The following PDSS2 variants were observed in gnomAD, a reference collection of about 807,000 sequenced individuals.
The protein encoded by PDSS2 is decaprenyl diphosphate synthase subunit 2, also known as all trans-polyprenyl-diphosphate synthase PDSS2.
A neutral mutation model predicts 44.5 loss-of-function variants in PDSS2; 31 were observed. The ratio of observed to expected loss-of-function variants is 0.70; its 90% CI spans 0.52 to 0.94. The LOEUF (loss-of-function observed/expected upper bound fraction) is 0.94. PDSS2 is among the 40% of genes least tolerant of loss of function. PDSS2 has a pLI of 0.00. For synonymous variants in PDSS2, 157 were observed against 180.3 expected (o/e 0.87, Z 1.03); for missense variants, 452 against 482.2 (o/e 0.94, Z 0.59).
intron 2 of PDSS2, among the ~76,000 whole-genome samples, chr6:107,316,079 T>C (rs1582931768): frequency 1.3e-5 from 2 of 152,346 alleles, no homozygotes; most frequent in East Asian, 3.9e-4. Context: ...AAAAATTCCT[T>C]TGTCAGGTCC....
chr6:107,194,796 C>G (rs1772496832), intron 6 of PDSS2, among the ~76,000 whole-genome samples: 2 of 151,912 alleles, frequency 1.3e-5, no homozygotes, highest in Non-Finnish European at 2.9e-5. Flanking sequence ...ATTAAAAATA[C>G]AAAAATTAGC....
chr6:107,358,464 CATA>C (rs757370803), intron 1 of PDSS2, among the ~76,000 whole-genome samples: 5 of 152,154 alleles, frequency 3.3e-5, no homozygotes, highest in African/African-American at 7.2e-5. Context: ...TATTCACTTA[CATA>C]ATGTTCTTAT....
chr6:107,297,343 T>C (rs1454894082), intron 2 of PDSS2, among the ~76,000 whole-genome samples: 1 of 152,024 alleles, frequency 6.6e-6, no homozygotes. Flanking sequence ...CCCAGAAGTA[T>C]CTGGAAAACA....
intron 1 of PDSS2, among the ~76,000 whole-genome samples, chr6:107,348,029 T>C (rs1237300639): frequency 6.6e-6 from 1 of 152,162 alleles, no homozygotes; most frequent in Non-Finnish European, 1.5e-5. Context: ...TGATAGCCTT[T>C]ATTTCACTAA....
chr6:107,331,378 T>C (rs1313109845), intron 2 of PDSS2, among the ~76,000 whole-genome samples: 1 of 152,200 alleles, frequency 6.6e-6, no homozygotes, highest in East Asian at 1.9e-4. Flanking sequence ...ATTCCCTAAA[T>C]GTAACTGTGG....
chr6:107,343,409 A>T (rs1240984448), intron 1 of PDSS2, among the ~76,000 whole-genome samples: 1 of 152,212 alleles, frequency 6.6e-6, no homozygotes, highest in Non-Finnish European at 1.5e-5. Flanking sequence ...TTGATTTGTG[A>T]CCCACCAACA....
intron 4 of PDSS2, among the ~76,000 whole-genome samples, chr6:107,237,532 C>T (rs1379659000): frequency 6.6e-6 from 1 of 151,934 alleles, no homozygotes; most frequent in Non-Finnish European, 1.5e-5. Context: ...CATGAGTCAC[C>T]GTACCTGGCC....
At chr6:107,278,904 G>C (rs1775873493) in intron 2 of PDSS2, among the ~76,000 whole-genome samples, 1 of 152,190 alleles carries the variant, frequency 6.6e-6, no homozygotes, top group Non-Finnish European at 1.5e-5. Context: ...CTGGAACTCA[G>C]AGCCACCTTG....
intron 7 of PDSS2, among the ~76,000 whole-genome samples, chr6:107,192,777 T>C (rs544127780): frequency 2.0e-5 from 3 of 150,462 alleles, no homozygotes; most frequent in Non-Finnish European, 2.9e-5. Context: ...TAAATCTATT[T>C]TGTAATTGTT....
Position 107,405,303 on chromosome 6 carries a change from G to A in PDSS2, c.296+53687C>T, listed in dbSNP as rs188682873. The stretch of plus-strand genomic sequence containing the variant: ...TCAAAGGAGTCCTAAACATGGAAAC[G>A]AAAGGTGATACTTGCCATCATAAAA... On this transcript the variant is annotated intron_variant, in intron 1 of 7. Coordinates refer to ENST00000369037, the MANE Select transcript of PDSS2 (RefSeq NM_020381.4). Among the ~76,000 whole-genome samples the A allele has an allele frequency of 1.3e-4, 20 of 152,116 alleles. No homozygotes were observed. In the East Asian group the frequency reaches 1.7e-3, roughly 13 times the overall value.
At chr6:107,425,225 T>C (rs1030009627) in intron 1 of PDSS2, among the ~76,000 whole-genome samples, 2 of 152,186 alleles carry the variant, frequency 1.3e-5, no homozygotes, top group African/African-American at 4.8e-5. Context: ...AGTAAATTGG[T>C]ACCAGTAGAG....
Position 107,248,744 on chromosome 6 carries a change from A to G in PDSS2, c.631-3125T>C, listed in dbSNP as rs1774715523. Reference sequence around the variant, plus strand: ...AGCTTTTACAAATGCAAGTCTTATTATTTATAATTAGGCATGTAAACTTGA... The same window carrying G: ...AGCTTTTACAAATGCAAGTCTTATTGTTTATAATTAGGCATGTAAACTTGA... On this transcript the variant is annotated intron_variant, in intron 3 of 7. Coordinates refer to ENST00000369037, the MANE Select transcript of PDSS2 (RefSeq NM_020381.4). 2.6e-5 allele frequency among the ~76,000 whole-genome samples: 4 copies of G among 152,182 alleles called. No individual in the cohort carries two copies. The South Asian group carries it at 8.3e-4, about 31-fold the overall frequency.
chr6:107,176,471 T>C (rs1278817892), intron 7 of PDSS2, among the ~76,000 whole-genome samples: 1 of 149,964 alleles, frequency 6.7e-6, no homozygotes, highest in African/African-American at 2.5e-5. Flanking sequence ...TATAAAAGCA[T>C]GTTTAGTATA....
intron 4 of PDSS2, among the ~76,000 whole-genome samples, chr6:107,242,996 C>A (rs1774494662): frequency 6.6e-6 from 1 of 152,170 alleles, no homozygotes; most frequent in African/African-American, 2.4e-5. Context: ...GGTTAGCATT[C>A]CTCTGAATCT....
At chr6:107,445,370 A>C (rs559970050) in intron 1 of PDSS2, among the ~76,000 whole-genome samples, 1 of 152,132 alleles carries the variant, frequency 6.6e-6, no homozygotes, top group Non-Finnish European at 1.5e-5. Flanking sequence ...CAAGTCCACT[A>C]TCCCTCATCC....
intron 7 of PDSS2, among the ~76,000 whole-genome samples, chr6:107,182,077 G>A (rs1177235667): frequency 6.6e-6 from 1 of 151,942 alleles, no homozygotes; most frequent in South Asian, 2.1e-4. Flanking sequence ...CAGAGAACAA[G>A]AATCTAATTT....
chr6:107,160,935 T>C (rs1440480833), intron 7 of PDSS2, among the ~76,000 whole-genome samples: 2 of 151,564 alleles, frequency 1.3e-5, no homozygotes, highest in African/African-American at 4.9e-5. Flanking sequence ...ATGGGGTTTC[T>C]CCATGTTGGT....
At chr6:107,358,545 A>G (rs1186216278) in intron 1 of PDSS2, among the ~76,000 whole-genome samples, 3 of 152,214 alleles carry the variant, frequency 2.0e-5, no homozygotes, top group African/African-American at 2.4e-5. Context: ...GCCACATTCT[A>G]TGGAGAATAA....
intron 3 of PDSS2, among the ~76,000 whole-genome samples, chr6:107,247,289 T>C (rs966786771): frequency 8.5e-5 from 13 of 152,228 alleles, no homozygotes; most frequent in Admixed American, 8.5e-4. Flanking sequence ...AGTCTGACGC[T>C]AAATGTCAAA....
Sources: allele counts gnomAD v4.1 joint callset (sites outside exome capture counted in the v4.1 genomes callset), GRCh38; gene constraint gnomAD v4.1.1; transcripts MANE v1.5; gene names NCBI Gene and HGNC (gene_info 2026-07-23, HGNC 2026-07-21).